ASIC2: variants seen among roughly 807,000 people sequenced by gnomAD.
ASIC2 encodes the protein acid sensing ion channel subunit 2.
A neutral mutation model predicts 57.3 loss-of-function variants in ASIC2; 25 were observed. That is an observed-to-expected ratio of 0.44 (90% CI 0.32 to 0.61). ASIC2 has a LOEUF of 0.61. Among genes scored for constraint, ASIC2 ranks in the 20% least tolerant of loss-of-function variants. ASIC2 has a pLI of 0.06. For missense variants in ASIC2, 641 were observed against 738.1 expected (o/e 0.87, Z 1.52); for synonymous variants, 319 against 307.5 (o/e 1.04, Z -0.39).
Position 34,156,302 on chromosome 17 carries a change from G to C in ASIC2, c.231C>G (p.Asp77Glu), listed in dbSNP as rs754960341. The change falls in exon 1 of 10, where the codon GAC (aspartate) becomes GAG (glutamate). Residue 77 changes from aspartate (D) to glutamate (E), a missense_variant. Transcript: ENST00000359872. This position sits in a 1 kb window ranked among gnomAD's most constrained non-coding sequence, Gnocchi z 4.4. The stretch of plus-strand genomic sequence containing the variant: ...AGACCAGGCTTTGAGCCACCACTTC[G>C]TCCACCTTAGTGACATGCTGGTAGG... 1.2e-6 allele frequency: 2 copies of C among 1,614,152 alleles called. No homozygotes were observed. Among genetic ancestry groups the C allele is most frequent in the Non-Finnish European group, 1.7e-6 (2 of 1,180,030 alleles).
At chr17:33,760,447 T>C (rs1371516208) in intron 1 of ASIC2, among the ~76,000 whole-genome samples, 1 of 152,084 alleles carries the variant, frequency 6.6e-6, no homozygotes, top group Non-Finnish European at 1.5e-5. Context: ...CCAGATTTTA[T>C]AAAGCAAGAT....
intron 1 of ASIC2, among the ~76,000 whole-genome samples, chr17:33,772,004 G>A (rs1012620437): frequency 4.6e-5 from 7 of 152,128 alleles, no homozygotes; most frequent in South Asian, 4.2e-4. Flanking sequence ...AGAAGCAGAA[G>A]CTTTTCTCTG....
At chr17:33,985,210 C>T (rs1298034238) in intron 1 of ASIC2, among the ~76,000 whole-genome samples, 1 of 152,160 alleles carries the variant, frequency 6.6e-6, no homozygotes, top group Admixed American at 6.5e-5. Context: ...CTTGGATAGA[C>T]CATAGGCAGA....
At chr17:33,250,838 T>C (rs1908857396) in intron 1 of ASIC2, among the ~76,000 whole-genome samples, 2 of 152,228 alleles carry the variant, frequency 1.3e-5, no homozygotes, top group Non-Finnish European at 2.9e-5. Context: ...AGAAAAATTC[T>C]GACTAAAGGC....
chr17:33,931,988 T>A (rs1311531121), intron 1 of ASIC2, among the ~76,000 whole-genome samples: 2 of 152,212 alleles, frequency 1.3e-5, no homozygotes, highest in Admixed American at 1.3e-4. Flanking sequence ...TCTGTCGGGC[T>A]CAATTTATAT....
At chr17:34,026,750 T>C (rs1428100723) in intron 1 of ASIC2, among the ~76,000 whole-genome samples, 4 of 152,104 alleles carry the variant, frequency 2.6e-5, no homozygotes, top group African/African-American at 9.7e-5. Context: ...TTCACCTCAT[T>C]TTGCAGATGA....
intron 1 of ASIC2, among the ~76,000 whole-genome samples, chr17:33,443,997 C>T (rs894041157): frequency 6.6e-6 from 1 of 152,202 alleles, no homozygotes; most frequent in African/African-American, 2.4e-5. Context: ...AAGCCAGCCC[C>T]CTCTGGCAGT....
intron 1 of ASIC2, among the ~76,000 whole-genome samples, chr17:33,474,804 T>C (rs1359468364): frequency 6.6e-6 from 1 of 152,080 alleles, no homozygotes; most frequent in African/African-American, 2.4e-5. Flanking sequence ...ACAAATGCAG[T>C]ATGTACAGTG....
At chr17:33,192,406 A>T (rs941007976) in intron 1 of ASIC2, among the ~76,000 whole-genome samples, 3 of 134,066 alleles carry the variant, frequency 2.2e-5, no homozygotes, top group African/African-American at 8.4e-5. Flanking sequence ...AAACAAAACA[A>T]AACAAAACAA....
At chr17:33,778,266 A>T (rs933850938) in intron 1 of ASIC2, among the ~76,000 whole-genome samples, 3 of 152,158 alleles carry the variant, frequency 2.0e-5, no homozygotes, top group Non-Finnish European at 4.4e-5. Flanking sequence ...GAGTGTAAAA[A>T]AGAAAAATAT....
intron 1 of ASIC2, among the ~76,000 whole-genome samples, chr17:33,200,040 C>T (rs970388128): frequency 6.6e-6 from 1 of 152,128 alleles, no homozygotes; most frequent in African/African-American, 2.4e-5. Flanking sequence ...CATGCTGTTC[C>T]CTCTTCCTGG....
At chr17:33,457,532 C>T (rs959357973) in intron 1 of ASIC2, among the ~76,000 whole-genome samples, 1 of 137,476 alleles carries the variant, frequency 7.3e-6, no homozygotes, top group African/African-American at 2.8e-5. Context: ...TTATTAAGAA[C>T]ATACTAAAGG....
chr17:33,611,754 C>T (rs1011394491), intron 1 of ASIC2, among the ~76,000 whole-genome samples: 2 of 152,218 alleles, frequency 1.3e-5, no homozygotes, highest in Non-Finnish European at 2.9e-5. Context: ...CCACTAAAAT[C>T]CCATTGCCCT....
intron 1 of ASIC2, among the ~76,000 whole-genome samples, chr17:33,998,480 C>G (rs1449688002): frequency 6.6e-6 from 1 of 152,026 alleles, no homozygotes; most frequent in East Asian, 1.9e-4. Flanking sequence ...TAAAATCTTT[C>G]TTTTGTCTTA....
intron 1 of ASIC2, among the ~76,000 whole-genome samples, chr17:33,762,113 C>A (rs1910802051): frequency 6.6e-6 from 1 of 152,118 alleles, no homozygotes. Flanking sequence ...GGCTCAGACC[C>A]AAGCGAACTC....
At chr17:33,077,733 T>C (rs989942515) in intron 3 of ASIC2, among the ~76,000 whole-genome samples, 3 of 152,134 alleles carry the variant, frequency 2.0e-5, no homozygotes, top group Admixed American at 6.5e-5. Flanking sequence ...TTGTGATGGC[T>C]GGGCAATAGT....
intron 1 of ASIC2, among the ~76,000 whole-genome samples, chr17:34,134,874 C>T (rs145271811): frequency 6.6e-6 from 1 of 152,190 alleles, no homozygotes. Flanking sequence ...CCTTCGCCCA[C>T]CCATACGTAG....
chr17:33,752,317 T>C (rs1447528390), intron 1 of ASIC2, among the ~76,000 whole-genome samples: 1 of 152,224 alleles, frequency 6.6e-6, no homozygotes, highest in Non-Finnish European at 1.5e-5. Context: ...GCACCACTTC[T>C]TCTAACCCCT....
chr17:33,520,862 A>G (rs1914720004), intron 1 of ASIC2, among the ~76,000 whole-genome samples: 1 of 152,178 alleles, frequency 6.6e-6, no homozygotes, highest in Admixed American at 6.5e-5. Context: ...TGAAATTGAC[A>G]TTCAGGCCCT....
Sources: gnomAD v4.1 joint callset for allele counts (sites outside exome capture counted in the v4.1 genomes callset) on GRCh38, gnomAD v4.1.1 for gene constraint, Gnocchi (gnomAD v3.1) non-coding constraint, MANE v1.5 for transcripts, NCBI Gene and HGNC (gene_info 2026-07-23, HGNC 2026-07-21) for gene names.